TUSC3: variants seen among roughly 807,000 people sequenced by gnomAD.
TUSC3 encodes the protein tumor suppressor candidate 3, also known as dolichyl-diphosphooligosaccharide--protein glycosyltransferase subunit TUSC3.
A neutral mutation model predicts 44.8 loss-of-function variants in TUSC3; 45 were observed. The ratio of observed to expected loss-of-function variants is 1.00; its 90% CI spans 0.79 to 1.29. The LOEUF (loss-of-function observed/expected upper bound fraction) is 1.29. TUSC3 is among the 50% of genes most tolerant of loss of function. TUSC3 has a pLI of 0.00. For missense variants in TUSC3, 519 were observed against 437.9 expected (o/e 1.19, Z -1.65); for synonymous variants, 212 against 152.9 (o/e 1.39, Z -2.85).
rs559987294 is a variant in TUSC3, at chr8:15,570,345, T to G, written c.138+29777T>G. ...CTAATTGAATGTTGACTAAGTTTTC[T>G]AATGTTGCTTGCTGGAAATTGGTTG... On this transcript the variant is annotated intron_variant, in intron 1 of 10. Coordinates refer to ENST00000503731, the MANE Select transcript of TUSC3 (RefSeq NM_006765.4). 2.0e-5 allele frequency among the ~76,000 whole-genome samples: 3 copies of G among 152,092 alleles called. No homozygotes were observed. The East Asian group carries it at 5.8e-4, about 29-fold the overall frequency.
intron 1 of TUSC3, among the ~76,000 whole-genome samples, chr8:15,572,576 T>G (rs1462375033): frequency 6.6e-6 from 1 of 152,224 alleles, no homozygotes; most frequent in Non-Finnish European, 1.5e-5. Flanking sequence ...ACAACTTGTC[T>G]AACTGTTCGG....
At chr8:15,847,711 G>A in the TUSC3 span, among the ~76,000 whole-genome samples, 3 of 152,068 alleles carry the variant, frequency 2.0e-5, no homozygotes, top group Non-Finnish European at 4.4e-5. Context: ...GTAAAACTCC[G>A]AGGCAGAGTT....
rs183021444 is a variant in TUSC3, at chr8:15,690,186, A to G, written c.798+16350A>G. Among the ~76,000 whole-genome samples the G allele has an allele frequency of 1.8e-4, 27 of 152,142 alleles. No homozygotes were observed. In the East Asian group the frequency reaches 3.9e-3, roughly 22 times the overall value. On this transcript the variant is annotated intron_variant, in intron 6 of 10. Transcript: ENST00000503731. Reference sequence around the variant, plus strand: ...CAATCTCGCCAAAATCTATTATTTTATGTCTTTTTAATAGGCATTCTGATT... The same window carrying G: ...CAATCTCGCCAAAATCTATTATTTTGTGTCTTTTTAATAGGCATTCTGATT...
chr8:15,672,285 C>G (rs548045915), intron 5 of TUSC3, among the ~76,000 whole-genome samples: 3 of 151,964 alleles, frequency 2.0e-5, no homozygotes, highest in African/African-American at 7.2e-5. Flanking sequence ...CATGGATTAA[C>G]CTACTTAAAA....
chr8:15,467,208 C>T (rs539376901), intron 1 of TUSC3, among the ~76,000 whole-genome samples: 13 of 148,434 alleles, frequency 8.8e-5, no homozygotes, highest in African/African-American at 3.0e-4. Context: ...ACGTGCACTA[C>T]GGTGCTATTC....
chr8:15,536,821 C>T (rs1801530680), upstream of TUSC3, among the ~76,000 whole-genome samples: 2 of 149,610 alleles, frequency 1.3e-5, no homozygotes, highest in South Asian at 2.1e-4. Context: ...TTCTATCTTG[C>T]CCAAATTCCT....
At chr8:15,578,336 C>A (rs373628596) in intron 1 of TUSC3, among the ~76,000 whole-genome samples, 53 of 124,990 alleles carry the variant, frequency 4.2e-4, no homozygotes, top group African/African-American at 1.6e-3. Context: ...CCCTGGCCAG[C>A]ACTTCCAACA....
the TUSC3 span, among the ~76,000 whole-genome samples, chr8:15,776,419 A>G: frequency 6.6e-6 from 1 of 152,066 alleles, no homozygotes; most frequent in South Asian, 2.1e-4. Context: ...ACTAAGGAAT[A>G]CTATTTTTGA....
At chr8:15,633,600 A>G (rs759628646) in intron 2 of TUSC3, among the ~76,000 whole-genome samples, 15 of 152,130 alleles carry the variant, frequency 9.9e-5, no homozygotes, top group Non-Finnish European at 1.9e-4. Flanking sequence ...TTTTTACTAA[A>G]TTCTATTTTA....
At chr8:15,548,283 A>G (rs545118916) in intron 1 of TUSC3, among the ~76,000 whole-genome samples, 2 of 152,006 alleles carry the variant, frequency 1.3e-5, no homozygotes, top group East Asian at 1.9e-4. Context: ...TGGTTTAAGT[A>G]TTGAGAGAAG....
At chr8:15,710,389 G>A (rs1191257621) in intron 6 of TUSC3, among the ~76,000 whole-genome samples, 23 of 151,712 alleles carry the variant, frequency 1.5e-4, no homozygotes, top group Admixed American at 1.4e-3. Flanking sequence ...ATAGGGCCTC[G>A]TGCTATTTAA....
intron 2 of TUSC3, among the ~76,000 whole-genome samples, chr8:15,490,525 C>A (rs1800794269): frequency 6.6e-6 from 1 of 152,136 alleles, no homozygotes. Flanking sequence ...ATGCAGCCTG[C>A]AGAGGCCAGC....
chr8:15,689,567 C>T, intron 6 of TUSC3: 1 of 162,352 alleles, frequency 6.2e-6, no homozygotes, highest in South Asian at 1.5e-4. Context: ...CCATGTCGTG[C>T]AATTTAACGA....
chr8:15,835,005 G>A, the TUSC3 span, among the ~76,000 whole-genome samples: 1 of 152,172 alleles, frequency 6.6e-6, no homozygotes, highest in Non-Finnish European at 1.5e-5. Flanking sequence ...CAAGTATAGG[G>A]AAGCATGACT....
At chr8:15,647,648 C>G (rs563366800) in intron 2 of TUSC3, among the ~76,000 whole-genome samples, 2 of 152,184 alleles carry the variant, frequency 1.3e-5, no homozygotes, top group African/African-American at 4.8e-5. Context: ...CTATCATAGT[C>G]TTAAGTTTTC....
chr8:15,610,799 G>A (rs1017170929), intron 1 of TUSC3, among the ~76,000 whole-genome samples: 1 of 152,094 alleles, frequency 6.6e-6, no homozygotes, highest in Admixed American at 6.5e-5. Flanking sequence ...GAGGGCTTGA[G>A]GGCCTCTCAG....
chr8:15,694,614 T>G (rs373556634), intron 6 of TUSC3, among the ~76,000 whole-genome samples: 55 of 152,136 alleles, frequency 3.6e-4, no homozygotes, highest in African/African-American at 1.3e-3. Context: ...TTTTGTTCTT[T>G]TATCCGCTTT....
the TUSC3 span, among the ~76,000 whole-genome samples, chr8:15,838,004 A>G: frequency 1.3e-5 from 2 of 152,156 alleles, no homozygotes; most frequent in Non-Finnish European, 2.9e-5. Flanking sequence ...CTTACTATTT[A>G]TTCTCTTATG....
At chr8:15,520,110 C>G (rs1304552316) in intron 2 of TUSC3, among the ~76,000 whole-genome samples, 1 of 152,108 alleles carries the variant, frequency 6.6e-6, no homozygotes, top group Non-Finnish European at 1.5e-5. Flanking sequence ...TTATCCTTTC[C>G]TGTTCTAATT....
Sources: gnomAD v4.1 joint callset for allele counts (sites outside exome capture counted in the v4.1 genomes callset) on GRCh38, gnomAD v4.1.1 for gene constraint, MANE v1.5 for transcripts, NCBI Gene and HGNC (gene_info 2026-07-23, HGNC 2026-07-21) for gene names.